Variants in ICA1 observed in about 807,000 individuals in gnomAD.
ICA1 encodes 69 kDa islet cell autoantigen.
ICA1 carries 40 observed loss-of-function variants against 71.0 expected under a neutral mutation model. The ratio of observed to expected loss-of-function variants is 0.56; its 90% CI spans 0.44 to 0.73. ICA1 has a LOEUF of 0.73. Among genes scored for constraint, ICA1 ranks in the 30% least tolerant of loss-of-function variants. The probability of loss-of-function intolerance (pLI) is 0.00; values close to 1 mark genes in which losing one functional copy is unlikely to be tolerated. For missense variants in ICA1, 578 were observed against 576.5 expected, an observed-to-expected ratio of 1.00 and a Z score of -0.03; for synonymous variants, 207 against 209.5, an observed-to-expected ratio of 0.99 and a Z score of 0.10.
At position 8,234,925 on chromosome 7, in the gene ICA1, G is replaced by A. The variant is rs976122017; in HGVS notation, c.17+985C>T. 6.6e-6 allele frequency among the ~76,000 whole-genome samples: 1 copy of A among 152,134 alleles called. No homozygotes were observed. Among genetic ancestry groups the A allele is most frequent in the Non-Finnish European group, 1.5e-5 (1 of 68,026 alleles). On this transcript the variant is annotated intron_variant, in intron 2 of 13. Coordinates refer to ENST00000402384, the MANE Select transcript of ICA1 (RefSeq NM_001136020.3). This position sits in a 1 kb window ranked among gnomAD's most constrained non-coding sequence, Gnocchi z 4.5. ...TCATGCCTGTAATCCCAGCACTTTG[G>A]GAGGCTGAGGTGGGCAGATCATGAG... is the stretch of plus-strand genomic sequence containing the variant.
rs1461352834 is a variant in ICA1 at position 8,113,861 on chromosome 7, C to T, written c.*62G>A. 33 of 1,585,552 alleles carry T rather than the reference C, an allele frequency of 2.1e-5. No individual in the cohort carries two copies. Among genetic ancestry groups the T allele is most frequent in the Admixed American group, 8.3e-5 (5 of 59,890 alleles). On this transcript the variant is annotated 3_prime_UTR_variant, in exon 14 of 14. Coordinates refer to ENST00000402384, the MANE Select transcript of ICA1 (RefSeq NM_001136020.3). The surrounding 1 kb of genome is among the most constrained non-coding windows in gnomAD (Gnocchi z 4.2). The stretch of plus-strand genomic sequence containing the variant: ...ACAGCATACTGATCACTTTATACTT[C>T]TGCTAGCCCCCAGGGGAGCTGCTGG...
At chr7:8,260,417 A>G (rs561242223) in intron 1 of ICA1, among the ~76,000 whole-genome samples, 3 of 152,292 alleles carry the variant, frequency 2.0e-5, no homozygotes, top group Admixed American at 2.0e-4. Context: ...CACCCAGGCA[A>G]TTACCATCCA....
At chr7:8,172,654 C>T (rs1808796043) in intron 6 of ICA1, among the ~76,000 whole-genome samples, 1 of 152,160 alleles carries the variant, frequency 6.6e-6, no homozygotes, top group African/African-American at 2.4e-5. Flanking sequence ...GAAATAATCA[C>T]ATGTTTTTTC....
At chr7:8,121,092 T>C (rs1340233491) in intron 13 of ICA1, among the ~76,000 whole-genome samples, 1 of 152,182 alleles carries the variant, frequency 6.6e-6, no homozygotes, top group African/African-American at 2.4e-5. Context: ...ATCTTGTAGA[T>C]GAAACCAGGT....
At chr7:8,183,277 G>C (rs768878199) in intron 6 of ICA1, among the ~76,000 whole-genome samples, 1 of 152,170 alleles carries the variant, frequency 6.6e-6, no homozygotes, top group Admixed American at 6.6e-5. Flanking sequence ...TATCTTAACA[G>C]TTAAAGATCA....
chr7:8,251,260 T>C (rs1247711672), intron 1 of ICA1, among the ~76,000 whole-genome samples: 5 of 151,984 alleles, frequency 3.3e-5, no homozygotes, highest in Admixed American at 1.3e-4. Context: ...TTAAGTTATA[T>C]ACAATGATTA....
chr7:8,215,256 C>T (rs1053351417), intron 6 of ICA1, among the ~76,000 whole-genome samples: 2 of 152,196 alleles, frequency 1.3e-5, no homozygotes, highest in Admixed American at 6.5e-5. Context: ...ACCTTCTGTG[C>T]TCTGGTTCTA....
intron 1 of ICA1, among the ~76,000 whole-genome samples, chr7:8,254,970 G>T (rs1809549282): frequency 6.6e-6 from 1 of 151,988 alleles, no homozygotes; most frequent in Admixed American, 6.6e-5. Flanking sequence ...CACTGCGCTG[G>T]GCACCTTCTG....
chr7:8,200,366 AT>A (rs1254549627), intron 6 of ICA1, among the ~76,000 whole-genome samples: 4 of 148,714 alleles, frequency 2.7e-5, no homozygotes, highest in African/African-American at 9.8e-5. Context: ...AAAAAGAACA[AT>A]TACAAAACAA....
intron 6 of ICA1, among the ~76,000 whole-genome samples, chr7:8,196,455 A>C (rs76493409): frequency 0.04 from 6,065 of 152,306 alleles, 229 homozygotes; most frequent in East Asian, 0.14. Flanking sequence ...ATTTGTCAAA[A>C]CATAGAATCT....
At chr7:8,192,339 T>C (rs1785959213) in intron 6 of ICA1, among the ~76,000 whole-genome samples, 1 of 152,210 alleles carries the variant, frequency 6.6e-6, no homozygotes, top group Admixed American at 6.5e-5. Flanking sequence ...TTCCACATTT[T>C]GGGTTGTCTG....
intron 6 of ICA1, among the ~76,000 whole-genome samples, chr7:8,215,438 TGCCACCATAGACACTACTGTTCACCATGC>T (rs1217805129): frequency 5.7e-4 from 87 of 152,276 alleles, no homozygotes; most frequent in African/African-American, 2.0e-3. Flanking sequence ...CAGCACCACG[TGCCACCATAGACACTACTGTTCACCATGC>T]GCCACCACAG....
At chr7:8,164,359 T>A (rs924147753) in intron 6 of ICA1, among the ~76,000 whole-genome samples, 20 of 149,996 alleles carry the variant, frequency 1.3e-4, no homozygotes, top group Admixed American at 1.1e-3. Context: ...AGGAAAGATG[T>A]TAGTAGTTTA....
rs1026250899 is a variant in ICA1, at chr7:8,132,119, A to C, written c.1061-3977T>G. Among the ~76,000 whole-genome samples the C allele has an allele frequency of 6.6e-6, 1 of 152,210 alleles. No homozygotes were observed. Among genetic ancestry groups the C allele is most frequent in the Non-Finnish European group, 1.5e-5 (1 of 68,040 alleles). ...ATAACCTAACTACAGACACTGCTGC[A>C]AAAATAAGAGCCAACAGACATGACG... On this transcript the variant is annotated intron_variant, in intron 12 of 13. Coordinates refer to ENST00000402384, the MANE Select transcript of ICA1 (RefSeq NM_001136020.3). This position sits in a 1 kb window ranked among gnomAD's most constrained non-coding sequence, Gnocchi z 4.5.
chr7:8,116,398 G>A (rs1044913650), intron 13 of ICA1: 1 of 152,184 alleles, frequency 6.6e-6, no homozygotes, highest in African/African-American at 2.4e-5. Context: ...GGCCACATCC[G>A]TGGTTGCCTC....
intron 6 of ICA1, among the ~76,000 whole-genome samples, chr7:8,189,295 A>T (rs1000448843): frequency 2.0e-5 from 3 of 152,208 alleles, no homozygotes; most frequent in Admixed American, 2.0e-4. Flanking sequence ...TGGGGTCATT[A>T]TACTAGAAGG....
At chr7:8,133,577 TA>T (rs1792274852) in intron 12 of ICA1, among the ~76,000 whole-genome samples, 1 of 152,216 alleles carries the variant, frequency 6.6e-6, no homozygotes, top group Non-Finnish European at 1.5e-5. Context: ...TTCTGTTTTA[TA>T]AGCAACAGAA....
chr7:8,152,965 C>A (rs1223090258), intron 8 of ICA1, among the ~76,000 whole-genome samples: 3 of 152,198 alleles, frequency 2.0e-5, no homozygotes, highest in Non-Finnish European at 4.4e-5. Context: ...ACCATCATCT[C>A]CTCCATCACC....
intron 6 of ICA1, among the ~76,000 whole-genome samples, chr7:8,191,943 C>T (rs1365910841): frequency 6.6e-6 from 1 of 152,040 alleles, no homozygotes; most frequent in Non-Finnish European, 1.5e-5. Context: ...CCCAGATTCC[C>T]AAAATGTTAA....
Sources: gnomAD v4.1 joint callset for allele counts (sites outside exome capture counted in the v4.1 genomes callset) on GRCh38, gnomAD v4.1.1 for gene constraint, Gnocchi (gnomAD v3.1) non-coding constraint, MANE v1.5 for transcripts, NCBI Gene and HGNC (gene_info 2026-07-23, HGNC 2026-07-21) for gene names.